Variants in PYGB observed in about 807,000 individuals in gnomAD.
The protein encoded by PYGB is glycogen phosphorylase, brain form.
PYGB carries 82 observed loss-of-function variants against 94.3 expected under a neutral mutation model. The observed-to-expected ratio is 0.87, with a 90% confidence interval of 0.73 to 1.04. The LOEUF is 1.04. PYGB is among the 50% of genes least tolerant of loss of function. The pLI is 0.00. For synonymous variants in PYGB, 488 were observed against 479.1 expected (o/e 1.02, Z -0.24); for missense variants, 1,132 against 1,158.2 (o/e 0.98, Z 0.33).
intron 11 of PYGB, among the ~76,000 whole-genome samples, chr20:25,281,383 C>T (rs2123574484): frequency 6.6e-6 from 1 of 152,354 alleles, no homozygotes; most frequent in South Asian, 2.1e-4. Context: ...TCTCCTGCGC[C>T]CCTGCCTTCC....
chr20:25,254,579 A>G (rs2092897852), intron 1 of PYGB, among the ~76,000 whole-genome samples: 1 of 152,206 alleles, frequency 6.6e-6, no homozygotes, highest in African/African-American at 2.4e-5. Flanking sequence ...CTTGAGTAGG[A>G]ATGACATGTA....
chr20:25,266,205 A>G (rs748618714), intron 2 of PYGB, among the ~76,000 whole-genome samples: 33 of 149,720 alleles, frequency 2.2e-4, no homozygotes, highest in South Asian at 4.2e-4. Flanking sequence ...TAGTTTGTCT[A>G]TTTTTCCTTT....
chr20:25,253,795 T>C (rs1390573509), intron 1 of PYGB, among the ~76,000 whole-genome samples: 1 of 152,206 alleles, frequency 6.6e-6, no homozygotes, highest in Non-Finnish European at 1.5e-5. Flanking sequence ...ATTCCCCAGA[T>C]GTTAAACATT....
At chr20:25,259,624 C>T (rs1468831883) in intron 2 of PYGB, among the ~76,000 whole-genome samples, 4 of 152,152 alleles carry the variant, frequency 2.6e-5, no homozygotes, top group African/African-American at 7.2e-5. Context: ...ACCTCCGGGG[C>T]GGATTTAGAG....
intron 1 of PYGB, among the ~76,000 whole-genome samples, chr20:25,250,169 C>CT (rs1358609438): frequency 1.3e-5 from 2 of 152,164 alleles, no homozygotes; most frequent in Non-Finnish European, 2.9e-5. Flanking sequence ...TTTTTATTGT[C>CT]TAAGTGGCGG....
rs2092914505 is a variant in PYGB at position 25,261,933 on chromosome 20, CAG to C, written c.345+2598_345+2599del. Among the ~76,000 whole-genome samples, 4 of 152,144 alleles carry C rather than the reference CAG, an allele frequency of 2.6e-5. No homozygotes were observed. The South Asian group carries it at 8.3e-4, about 32-fold the overall frequency. ...AGTGAGAAGAGAAGTTCAGAGAAAA[CAG>C]AGTAAAAAGAAATGAACAAAGCCTC... is the stretch of plus-strand genomic sequence containing the variant. On this transcript the variant is annotated intron_variant, in intron 2 of 19. Coordinates refer to ENST00000216962, the MANE Select transcript of PYGB (RefSeq NM_002862.4).
intron 1 of PYGB, among the ~76,000 whole-genome samples, chr20:25,253,508 CG>C (rs1392580733): frequency 1.3e-4 from 20 of 152,004 alleles, no homozygotes; most frequent in African/African-American, 4.8e-4. Flanking sequence ...AAAAATTAGC[CG>C]GGCGTGGTGG....
chr20:25,282,967 G>C (rs1358388751), intron 12 of PYGB, among the ~76,000 whole-genome samples: 1 of 152,166 alleles, frequency 6.6e-6, no homozygotes, highest in African/African-American at 2.4e-5. Flanking sequence ...TGGTGGGACT[G>C]GGCCATCTCG....
Position 25,280,995 on chromosome 20 carries a change from T to G in PYGB, c.1286T>G (p.Met429Arg). 1 of 1,614,144 alleles carries G rather than the reference T, an allele frequency of 6.2e-7. No individual in the cohort carries two copies. Among genetic ancestry groups the G allele is most frequent in the Non-Finnish European group, 8.5e-7 (1 of 1,180,004 alleles). ...GGCGATGTGGACCGCCTGCGCAGGATGTCTGTGATCGAGGAGGGGGACTGC... is the reference window on the plus strand; with the variant it reads ...GGCGATGTGGACCGCCTGCGCAGGAGGTCTGTGATCGAGGAGGGGGACTGC... Reference protein sequence around the residue: ...FPGDVDRLRRMSVIEEGDCKR... With the variant: ...FPGDVDRLRRRSVIEEGDCKR... Residue 429 changes from methionine (M) to arginine (R), a missense_variant, in exon 11 of 20, where the codon ATG becomes AGG. By Grantham distance (91) the Met-to-Arg change is moderately conservative. Coordinates refer to ENST00000216962, the MANE Select transcript of PYGB (RefSeq NM_002862.4).
intron 1 of PYGB, among the ~76,000 whole-genome samples, chr20:25,258,655 A>G (rs1471723352): frequency 6.6e-6 from 1 of 152,240 alleles, no homozygotes; most frequent in Non-Finnish European, 1.5e-5. Context: ...CCTCACTGGC[A>G]TAGAGCTGGC....
chr20:25,276,511 T>G (rs1008396719), intron 5 of PYGB, 135 bp from the exon 6 acceptor site: 1 of 671,226 alleles, frequency 1.5e-6, no homozygotes, highest in Non-Finnish European at 2.6e-6. Context: ...TGGGTGGATG[T>G]GTTTGGGCAG....
rs376528392 is a variant in PYGB, at chr20:25,284,148, G to T, written c.1665G>T (p.Lys555Asn). ...CGGCCTTCCTGGAGAAGGAGTACAAGGTGAAGATCAACCCCTCCTCCATGT... is the reference window on the plus strand; with the variant it reads ...CGGCCTTCCTGGAGAAGGAGTACAATGTGAAGATCAACCCCTCCTCCATGT... Reference protein sequence around the residue: ...KFSAFLEKEYKVKINPSSMFD... With the variant: ...KFSAFLEKEYNVKINPSSMFD... The change falls in exon 14 of 20, where the codon AAG becomes AAT. Residue 555 changes from lysine to asparagine, a missense_variant. By Grantham distance (94) the Lys-to-Asn change is moderately conservative. Transcript: ENST00000216962. 22 of 1,613,984 alleles carry T rather than the reference G, an allele frequency of 1.4e-5. No homozygotes were observed. The highest frequency in any genetic ancestry group is 1.9e-5 in the Non-Finnish European group (22 of 1,179,998).
At chr20:25,278,282 C>CCTGGGACTGGGTCATGGGGCATGTGCCCA in intron 7 of PYGB, 37 bp from the exon 8 acceptor site, 1 of 1,596,632 alleles carries the variant, frequency 6.3e-7, no homozygotes, top group Non-Finnish European at 8.6e-7. Flanking sequence ...GGAGAATGGC[C>CCTGGGACTGGGTCATGGGGCATGTGCCCA]CAGCCTGCAC....
At chr20:25,294,787 C>G (rs1342961243) in intron 18 of PYGB, 3 of 699,120 alleles carry the variant, frequency 4.3e-6, no homozygotes, top group Non-Finnish European at 7.8e-6. Context: ...GCAGTTAGCA[C>G]ATGGTATGGT....
chr20:25,285,752 A>T (rs1212603741), intron 14 of PYGB, among the ~76,000 whole-genome samples: 1 of 151,978 alleles, frequency 6.6e-6, no homozygotes, highest in Non-Finnish European at 1.5e-5. Context: ...CCCCACTGTC[A>T]GAGCTCACAG....
Position 25,280,435 on chromosome 20 carries a change from G to C in PYGB, c.1239+23G>C, listed in dbSNP as rs76802104. 14 of 1,612,536 alleles carry C rather than the reference G, an allele frequency of 8.7e-6. No individual in the cohort carries two copies. The African/African-American group carries it at 1.3e-4, about 15-fold the overall frequency. Reference sequence around the variant, plus strand: ...GACGTGAGTGTGGGCCCAGCTGGCCGTGTAGGGTGGCGGCTACACCCATGC... The same window carrying C: ...GACGTGAGTGTGGGCCCAGCTGGCCCTGTAGGGTGGCGGCTACACCCATGC... On this transcript the variant is annotated intron_variant, in intron 10 of 19. Transcript: ENST00000216962.
In PYGB at chr20:25,283,967, G is replaced by A. The variant is rs2088393393; in HGVS notation, c.1621-137G>A. The A allele has an allele frequency of 5.0e-6, 5 of 1,001,152 alleles. No individual in the cohort carries two copies. In the East Asian group the frequency reaches 1.3e-4, roughly 27 times the overall value. 62.0% of individuals were successfully genotyped at this position (1,001,152 alleles called of 1,614,324 possible). A position where few individuals can be genotyped will look rare whatever the true frequency, so the allele number is the denominator to read the frequency against. ...TGAGAAGACCCCTGGTGCAATCTCTGCCCCTCAGCTCCAGCCTGTATACCC... is the reference window on the plus strand; with the variant it reads ...TGAGAAGACCCCTGGTGCAATCTCTACCCCTCAGCTCCAGCCTGTATACCC... On this transcript the variant is annotated intron_variant, in intron 13 of 19. Coordinates refer to ENST00000216962, the MANE Select transcript of PYGB (RefSeq NM_002862.4).
At chr20:25,283,806 C>T (rs2088391625) in intron 13 of PYGB, among the ~76,000 whole-genome samples, 1 of 152,190 alleles carries the variant, frequency 6.6e-6, no homozygotes, top group South Asian at 2.1e-4. Context: ...CCCGCTCCCG[C>T]GCTGCTCCGC....
At chr20:25,288,863 A>C (rs2088441679) in intron 15 of PYGB, among the ~76,000 whole-genome samples, 1 of 152,170 alleles carries the variant, frequency 6.6e-6, no homozygotes, top group Non-Finnish European at 1.5e-5. Flanking sequence ...ACTATGACAC[A>C]TACTTTCAGA....
Sources: allele counts gnomAD v4.1 joint callset (sites outside exome capture counted in the v4.1 genomes callset), GRCh38; gene constraint gnomAD v4.1.1; transcripts MANE v1.5; gene names NCBI Gene and HGNC (gene_info 2026-07-23, HGNC 2026-07-21).